The following PRKX variants were observed in gnomAD, a reference collection of about 807,000 sequenced individuals.
The protein encoded by PRKX is cAMP-dependent protein kinase catalytic subunit PRKX.
A neutral mutation model predicts 22.0 loss-of-function variants in PRKX; 12 were observed. The ratio of observed to expected loss-of-function variants is 0.54; its 90% CI spans 0.35 to 0.88. PRKX has a LOEUF of 0.88. Among genes scored for constraint, PRKX ranks in the 40% least tolerant of loss-of-function variants. The probability of loss-of-function intolerance (pLI) is 0.01; values close to 1 mark genes in which losing one functional copy is unlikely to be tolerated. For synonymous variants in PRKX, 134 were observed against 137.7 expected, an observed-to-expected ratio of 0.97 and a Z score of 0.19; for missense variants, 217 against 308.0, an observed-to-expected ratio of 0.70 and a Z score of 2.21.
At chrX:3,706,066 CT>C (rs1198502810) in intron 1 of PRKX, among the ~76,000 whole-genome samples, 2 of 108,949 alleles carry the variant, frequency 1.8e-5, no homozygotes, top group African/African-American at 6.7e-5. Context: ...ATCTCTCACT[CT>C]TTTTTTCAAC....
At chrX:3,634,832 G>T (rs921104417) in intron 4 of PRKX, among the ~76,000 whole-genome samples, 4 of 111,220 alleles carry the variant, frequency 3.6e-5, no homozygotes, top group African/African-American at 1.3e-4. Context: ...TGGGACCCTG[G>T]GCGTGTACCA....
chrX:3,652,947 A>G (rs1927367656), intron 3 of PRKX, among the ~76,000 whole-genome samples: 1 of 111,128 alleles, frequency 9.0e-6, no homozygotes, highest in Non-Finnish European at 1.9e-5. Flanking sequence ...AGCCCTGCCC[A>G]CACCTGGATC....
At chrX:3,609,244 C>A (rs1266789056) in intron 8 of PRKX, among the ~76,000 whole-genome samples, 2 of 111,125 alleles carry the variant, frequency 1.8e-5, no homozygotes, top group Non-Finnish European at 3.8e-5. Context: ...TCACTGCAAC[C>A]TCCGCCTCCA....
chrX:3,634,793 G>T (rs776115032), intron 4 of PRKX, among the ~76,000 whole-genome samples: 2 of 111,969 alleles, frequency 1.8e-5, no homozygotes, highest in South Asian at 7.5e-4. Flanking sequence ...CAGCCTCAGT[G>T]ATCCTCCCAC....
In PRKX at chrX:3,612,472, G is replaced by A. The variant is rs756107365; in HGVS notation, c.952-147C>T. The A allele has an allele frequency of 1.1e-3, 686 of 641,633 alleles. 5 individuals carry two copies. In the African/African-American group the frequency reaches 0.013, roughly 12 times the overall value. 52.9% of individuals were successfully genotyped at this position (641,633 alleles called of 1,213,427 possible). On this transcript the variant is annotated intron_variant, in intron 7 of 8. Coordinates refer to ENST00000262848, the MANE Select transcript of PRKX (RefSeq NM_005044.5). The stretch of plus-strand genomic sequence containing the variant: ...AGCTGTCTTCCCTTCATTTATGAAA[G>A]CGGCAATCTTTGAATTAAAATATTG...
chrX:3,628,865 ACC>A (rs1926711865), intron 4 of PRKX, among the ~76,000 whole-genome samples: 1 of 110,878 alleles, frequency 9.0e-6, no homozygotes, highest in Admixed American at 9.7e-5. Flanking sequence ...ACATGGTGAA[ACC>A]CGTCTCTACT....
chrX:3,661,091 A>T (rs1927585347), intron 2 of PRKX, among the ~76,000 whole-genome samples: 1 of 111,042 alleles, frequency 9.0e-6, no homozygotes, highest in Admixed American at 9.7e-5. Context: ...TATGAAATGG[A>T]GACATCATTT....
chrX:3,650,520 C>CAA (rs748871957), intron 3 of PRKX, among the ~76,000 whole-genome samples: 1,117 of 37,613 alleles, frequency 0.03, 77 homozygotes, highest in African/African-American at 0.088. Flanking sequence ...GACTCCTCTC[C>CAA]AAAAAAAAAA....
chrX:3,711,312 T>G (rs1235032828), intron 1 of PRKX, among the ~76,000 whole-genome samples: 1 of 110,041 alleles, frequency 9.1e-6, no homozygotes, highest in Non-Finnish European at 1.9e-5. Flanking sequence ...CTGACTGGAC[T>G]GAAAAAAAAA....
chrX:3,697,501 C>A (rs1292817256), intron 1 of PRKX, among the ~76,000 whole-genome samples: 3 of 111,174 alleles, frequency 2.7e-5, no homozygotes, highest in African/African-American at 9.9e-5. Flanking sequence ...TCTTACTTTC[C>A]TTATCACCAG....
chrX:3,676,235 A>G (rs1019152466), intron 1 of PRKX, among the ~76,000 whole-genome samples: 1 of 112,134 alleles, frequency 8.9e-6, no homozygotes, highest in African/African-American at 3.2e-5. Context: ...CAAACAGCAG[A>G]GAGGCTTCTC....
intron 2 of PRKX, chrX:3,668,334 A>C (rs1175296889): frequency 9.0e-6 from 1 of 111,314 alleles, no homozygotes; most frequent in African/African-American, 3.3e-5. Context: ...CAGTGATGAC[A>C]GAGCAAGAAG....
rs750496690 is a variant in PRKX, at chrX:3,700,345, C to G, written c.166+12743G>C. ...TTAACGGAGAAACATAAAGGAAACCCTAAGCTGTTTCTTTGCAAAGACTGA... is the reference window on the plus strand; with the variant it reads ...TTAACGGAGAAACATAAAGGAAACCGTAAGCTGTTTCTTTGCAAAGACTGA... On this transcript the variant is annotated intron_variant, in intron 1 of 8. Transcript: ENST00000262848. Among the ~76,000 whole-genome samples, 356 of 111,820 alleles carry G rather than the reference C, an allele frequency of 3.2e-3. 1 individual carries two copies. Among genetic ancestry groups the G allele is most frequent in the African/African-American group, 0.011 (342 of 30,799 alleles).
chrX:3,707,580 A>C (rs1381194879), intron 1 of PRKX, among the ~76,000 whole-genome samples: 1 of 111,018 alleles, frequency 9.0e-6, no homozygotes, highest in Non-Finnish European at 1.9e-5. Context: ...ACACAGCGAG[A>C]CCCTGTCTCT....
At chrX:3,704,326 C>T (rs1464516580) in intron 1 of PRKX, among the ~76,000 whole-genome samples, 3 of 112,157 alleles carry the variant, frequency 2.7e-5, no homozygotes, top group Non-Finnish European at 5.6e-5. Flanking sequence ...GTGTTTCTGT[C>T]TTGCTCCTCC....
intron 1 of PRKX, among the ~76,000 whole-genome samples, chrX:3,703,617 A>G (rs1331126138): frequency 9.2e-6 from 1 of 108,166 alleles, no homozygotes; most frequent in African/African-American, 3.4e-5. Flanking sequence ...ATCATGGGAG[A>G]ATTGCTGGGA....
intron 1 of PRKX, among the ~76,000 whole-genome samples, chrX:3,676,320 T>C (rs1414867092): frequency 9.0e-6 from 1 of 111,383 alleles, no homozygotes; most frequent in African/African-American, 3.3e-5. Flanking sequence ...GACGAGCAAA[T>C]CTCACCGATC....
At chrX:3,672,849 C>G (rs1223640770) in intron 2 of PRKX, among the ~76,000 whole-genome samples, 1 of 111,018 alleles carries the variant, frequency 9.0e-6, no homozygotes, top group African/African-American at 3.3e-5. Context: ...AAGACTTCAT[C>G]CTACAAAAAC....
rs1215062125 is a variant in PRKX, at chrX:3,607,643, G to A, written c.*1326C>T. Reference sequence around the variant, plus strand: ...AAAAGGTCACTGATGAAAAAGGGTGGCTATGTTCTGTTTCTGTAATTTCAC... The same window carrying A: ...AAAAGGTCACTGATGAAAAAGGGTGACTATGTTCTGTTTCTGTAATTTCAC... On this transcript the variant is annotated 3_prime_UTR_variant, in exon 9 of 9. Transcript: ENST00000262848. 1 of 110,623 alleles carries A rather than the reference G, an allele frequency of 9.0e-6. No individual in the cohort carries two copies. Among genetic ancestry groups the A allele is most frequent in the Non-Finnish European group, 1.9e-5 (1 of 53,084 alleles). 9.1% of individuals were successfully genotyped at this position (110,623 alleles called of 1,213,427 possible). A position where few individuals can be genotyped will look rare whatever the true frequency, so the allele number is the denominator to read the frequency against.
Sources: gnomAD v4.1 joint callset for allele counts (sites outside exome capture counted in the v4.1 genomes callset) on GRCh38, gnomAD v4.1.1 for gene constraint, MANE v1.5 for transcripts, NCBI Gene and HGNC (gene_info 2026-07-23, HGNC 2026-07-21) for gene names.